Variants in PLEKHM1 observed in about 807,000 individuals in gnomAD.
PLEKHM1 encodes the protein pleckstrin homology and RUN domain containing M1, also known as pleckstrin homology domain-containing family M member 1.
PLEKHM1 carries 28 observed loss-of-function variants against 94.3 expected under a neutral mutation model. The ratio of observed to expected loss-of-function variants is 0.30; its 90% confidence interval spans 0.22 to 0.41. The LOEUF (loss-of-function observed/expected upper bound fraction) is 0.41, where lower values mean the gene tolerates loss of function less well. Ranked by LOEUF, PLEKHM1 falls within the 10% of genes least tolerant of loss-of-function variation. PLEKHM1 has a pLI of 1.00. For missense variants in PLEKHM1, 907 were observed against 1,358.6 expected, an observed-to-expected ratio of 0.67 and a Z score of 5.22; for synonymous variants, 424 against 581.2, an observed-to-expected ratio of 0.73 and a Z score of 3.89.
chr17:45,447,790 T>C (rs562777680), intron 8 of PLEKHM1: 3 of 151,732 alleles, frequency 2.0e-5, no homozygotes, highest in South Asian at 2.1e-4. Flanking sequence ...TAGAAAACGA[T>C]TGTACTTTTC....
intron 8 of PLEKHM1, chr17:45,446,023 C>CG (rs1567766470): frequency 2.5e-5 from 10 of 400,314 alleles, no homozygotes; most frequent in Non-Finnish European, 3.2e-5. Context: ...CCTATTTCCC[C>CG]CCACTGAAGG....
In PLEKHM1 at chr17:45,453,262, G is replaced by T. The variant is rs552457041; in HGVS notation, c.2497+93C>A. 9.7e-6 allele frequency: 12 copies of T among 1,242,558 alleles called. No individual in the cohort carries two copies. The highest frequency in any genetic ancestry group is 1.3e-5 in the Non-Finnish European group (11 of 865,278). 77.0% of individuals were successfully genotyped at this position (1,242,558 alleles called of 1,614,324 possible). A position where few individuals can be genotyped will look rare whatever the true frequency, so the allele number is the denominator to read the frequency against. On this transcript the variant is annotated intron_variant, in intron 7 of 11. Transcript: ENST00000430334. The surrounding 1 kb of genome is among the most constrained non-coding windows in gnomAD (Gnocchi z 4.1). ...CTAGGGGAAGGATGGGGGCATTTGC[G>T]GGGAGGCAGAAGGGTGGGGAGCCTA...
At chr17:45,478,174 C>A in intron 2 of PLEKHM1, 27 bp from the exon 3 acceptor site, 1 of 1,614,090 alleles carries the variant, frequency 6.2e-7, no homozygotes, top group Non-Finnish European at 8.5e-7. Flanking sequence ...AGAACACAGG[C>A]CTTTAGCGGA....
At chr17:45,441,061 G>C (rs567389890) in intron 9 of PLEKHM1, 2 of 152,430 alleles carry the variant, frequency 1.3e-5, no homozygotes, top group Admixed American at 6.5e-5. Flanking sequence ...CACACCAATG[G>C]GAGGGATCCA....
chr17:45,439,439 G>A (rs1167095541), intron 11 of PLEKHM1, 38 bp downstream of exon 11: 1 of 1,612,462 alleles, frequency 6.2e-7, no homozygotes, highest in African/African-American at 1.3e-5. Flanking sequence ...GTGGGGAAGG[G>A]TGGGGCTGGA....
At chr17:45,487,814 C>T (rs765194343) in intron 1 of PLEKHM1, 1 of 456,108 alleles carries the variant, frequency 2.2e-6, no homozygotes, top group South Asian at 1.5e-5. Context: ...TTGAGGGACT[C>T]CTCAGCCACT....
intron 11 of PLEKHM1, 90 bp from the exon 12 acceptor site, chr17:45,438,059 G>A (rs374161356): frequency 1.3e-5 from 12 of 922,984 alleles, no homozygotes; most frequent in African/African-American, 6.5e-5. Context: ...CAGAACCCAC[G>A]ATACGGCTGT....
chr17:45,468,239 C>T lies in PLEKHM1; in HGVS notation c.1278G>A (p.Leu426=). 1 of 1,613,240 alleles carries T rather than the reference C, an allele frequency of 6.2e-7. No homozygotes were observed. The highest frequency in any genetic ancestry group is 2.2e-5 in the East Asian group (1 of 44,880). ...TGGTGGGTGAGGAAACTACCAGCTT[C>T]AGACCAGCTCCGTCATGAGCCTGGG... ...QKAQAHDGAG[L]KLVVSSPTSP... Residue 426 remains leucine, a synonymous_variant, in exon 5 of 12, where the codon CTG becomes CTA. Coordinates refer to ENST00000430334, the MANE Select transcript of PLEKHM1 (RefSeq NM_014798.3).
At chr17:45,458,813 T>C (rs946105594) in intron 5 of PLEKHM1, among the ~76,000 whole-genome samples, 2 of 151,410 alleles carry the variant, frequency 1.3e-5, no homozygotes, top group African/African-American at 4.9e-5. Context: ...GATATGGCTC[T>C]TATATCATAA....
At chr17:45,469,956 C>T (rs149856699) in intron 4 of PLEKHM1, among the ~76,000 whole-genome samples, 2 of 151,816 alleles carry the variant, frequency 1.3e-5, no homozygotes, top group Non-Finnish European at 2.9e-5. Flanking sequence ...GCCTGTAATC[C>T]CAGCTACTCA....
In PLEKHM1 at chr17:45,445,672, A is replaced by G. The variant is rs750809096; in HGVS notation, c.2644-9T>C. 5 of 1,613,312 alleles carry G rather than the reference A, an allele frequency of 3.1e-6. No individual in the cohort carries two copies. The East Asian group carries it at 6.7e-5, about 22-fold the overall frequency. On this transcript the variant is annotated splice_polypyrimidine_tract_variant and intron_variant, in intron 8 of 11. Transcript: ENST00000430334. This position sits in a 1 kb window ranked among gnomAD's most constrained non-coding sequence, Gnocchi z 4.2. The stretch of plus-strand genomic sequence containing the variant: ...AGGGCCTGCCTGCAGATCTGGGGGT[A>G]CCACCAGGCATTGGGGATGGGAAGG...
chr17:45,479,804 G>A (rs987431160), intron 2 of PLEKHM1, among the ~76,000 whole-genome samples: 34 of 152,180 alleles, frequency 2.2e-4, no homozygotes, highest in African/African-American at 8.0e-4. Flanking sequence ...ACTGTGCCTG[G>A]CACATAGAAA....
chr17:45,454,504 C>A, intron 6 of PLEKHM1: 1 of 620,144 alleles, frequency 1.6e-6, no homozygotes, highest in Non-Finnish European at 2.9e-6. Context: ...AAAATAAGAG[C>A]ACCCAAAAGA....
intron 5 of PLEKHM1, chr17:45,464,056 A>C (rs1156272317): frequency 2.6e-5 from 4 of 152,186 alleles, no homozygotes; most frequent in Non-Finnish European, 5.9e-5. Context: ...CAGGTGGTCC[A>C]TGGGGGCAGT....
rs560410268 is a variant in PLEKHM1 at position 45,441,930 on chromosome 17, C to T, written c.2838-1704G>A. Among the ~76,000 whole-genome samples the T allele has an allele frequency of 7.9e-5, 12 of 152,140 alleles. No individual in the cohort carries two copies. In the South Asian group the frequency reaches 1.2e-3, roughly 16 times the overall value. On this transcript the variant is annotated intron_variant, in intron 9 of 11. Transcript: ENST00000430334. ...AAGGTCGAATCTTAGTTCCTGGAACCGATGAAGTGATGGGGAAGGAAAGGG... is the reference window on the plus strand; with the variant it reads ...AAGGTCGAATCTTAGTTCCTGGAACTGATGAAGTGATGGGGAAGGAAAGGG...
chr17:45,479,337 C>T (rs1431662144), intron 2 of PLEKHM1, among the ~76,000 whole-genome samples: 1 of 151,930 alleles, frequency 6.6e-6, no homozygotes, highest in East Asian at 1.9e-4. Context: ...GGATAACAGG[C>T]TGAAACCCCA....
At chr17:45,442,737 G>A (rs574657010) in intron 9 of PLEKHM1, among the ~76,000 whole-genome samples, 4 of 152,096 alleles carry the variant, frequency 2.6e-5, no homozygotes, top group African/African-American at 7.2e-5. Context: ...GCCGCTGACC[G>A]GAAGTGACAG....
At chr17:45,443,918 G>T (rs2050524108) in intron 9 of PLEKHM1, among the ~76,000 whole-genome samples, 1 of 152,220 alleles carries the variant, frequency 6.6e-6, no homozygotes, top group South Asian at 2.1e-4. Context: ...AGGGTCTAGG[G>T]TCCCACATGG....
chr17:45,442,198 C>A (rs34887474), intron 9 of PLEKHM1, among the ~76,000 whole-genome samples: 19,423 of 152,166 alleles, frequency 0.13, 1,584 homozygotes, highest in Middle Eastern at 0.21. Flanking sequence ...GAGAACCCTG[C>A]CAGGCAGCTG....
Sources: allele counts gnomAD v4.1 joint callset (sites outside exome capture counted in the v4.1 genomes callset), GRCh38; gene constraint gnomAD v4.1.1; non-coding constraint Gnocchi (gnomAD v3.1); transcripts MANE v1.5; gene names NCBI Gene and HGNC (gene_info 2026-07-23, HGNC 2026-07-21).